TTC28: variants seen among roughly 807,000 people sequenced by gnomAD.
TTC28 encodes tetratricopeptide repeat protein 28.
A neutral mutation model predicts 198.0 loss-of-function variants in TTC28; 61 were observed. That is an observed-to-expected ratio of 0.31 (90% CI 0.25 to 0.38). TTC28 has a LOEUF of 0.38. Ranked by LOEUF, TTC28 falls within the 10% of genes least tolerant of loss-of-function variation. TTC28 has a pLI of 1.00. For missense variants in TTC28, 2,678 were observed against 3,164.0 expected (o/e 0.85, Z 3.69); for synonymous variants, 1,171 against 1,297.8 (o/e 0.90, Z 2.10).
intron 2 of TTC28, among the ~76,000 whole-genome samples, chr22:28,451,699 CTT>C (rs1164991205): frequency 6.6e-6 from 1 of 152,168 alleles, no homozygotes; most frequent in Non-Finnish European, 1.5e-5. Context: ...CTTGTTATCT[CTT>C]TGGCAGGCAG....
intron 2 of TTC28, among the ~76,000 whole-genome samples, chr22:28,458,060 C>T (rs1446434616): frequency 6.6e-6 from 1 of 151,950 alleles, no homozygotes; most frequent in Non-Finnish European, 1.5e-5. Context: ...AAGTGAAATG[C>T]TGCTTATTTT....
In TTC28 at chr22:27,981,579, C is replaced by T. The variant is rs770092752; in HGVS notation, c.*642G>A. Reference sequence around the variant, plus strand: ...GACAGCGGGACCCAAAAGACATTTGCAGAGCAGAGTTCAGAATGGAAGCGC... The same window carrying T: ...GACAGCGGGACCCAAAAGACATTTGTAGAGCAGAGTTCAGAATGGAAGCGC... On this transcript the variant is annotated 3_prime_UTR_variant, in exon 23 of 23. Coordinates refer to ENST00000397906, the MANE Select transcript of TTC28 (RefSeq NM_001145418.2). 2 of 151,796 alleles carry T rather than the reference C, an allele frequency of 1.3e-5. No individual in the cohort carries two copies. The highest frequency in any genetic ancestry group is 6.6e-5 in the Admixed American group (1 of 15,250). The allele number at this position is 151,796 out of a possible 1,614,324, so 9.4% of individuals were successfully genotyped here.
rs879508856 is a variant in TTC28 at position 28,220,928 on chromosome 22, G to C, written c.934-57329C>G. 3.3e-5 allele frequency among the ~76,000 whole-genome samples: 5 copies of C among 152,176 alleles called. No homozygotes were observed. The East Asian group carries it at 9.6e-4, about 29-fold the overall frequency. On this transcript the variant is annotated intron_variant, in intron 5 of 22. Transcript: ENST00000397906. ...GAATGAATGAGCTTGACAGTATGGA[G>C]AGAAGGAATACAGGCCTAGTATCAT...
At chr22:28,552,345 T>C (rs1329780063) in intron 2 of TTC28, among the ~76,000 whole-genome samples, 3 of 151,952 alleles carry the variant, frequency 2.0e-5, no homozygotes, top group Non-Finnish European at 4.4e-5. Context: ...CCCATCAAAA[T>C]ATCACCATAA....
chr22:28,148,371 T>C (rs1943521860), intron 6 of TTC28, among the ~76,000 whole-genome samples: 1 of 152,220 alleles, frequency 6.6e-6, no homozygotes, highest in Non-Finnish European at 1.5e-5. Context: ...CCCAGCACTT[T>C]GGGAGGCCAA....
chr22:28,283,684 A>AT (rs1242922298), intron 5 of TTC28, among the ~76,000 whole-genome samples: 2 of 152,008 alleles, frequency 1.3e-5, no homozygotes, highest in Admixed American at 6.6e-5. Context: ...ATTTTAAAAG[A>AT]TTTTTCATGT....
chr22:28,601,209 G>A (rs1219139863), intron 2 of TTC28, among the ~76,000 whole-genome samples: 3 of 152,084 alleles, frequency 2.0e-5, no homozygotes, highest in Non-Finnish European at 4.4e-5. Flanking sequence ...TATATCAGCT[G>A]TTTAATTCTT....
chr22:28,455,124 C>A (rs1241400614), intron 2 of TTC28, among the ~76,000 whole-genome samples: 1 of 152,110 alleles, frequency 6.6e-6, no homozygotes, highest in Admixed American at 6.6e-5. Context: ...GAAGATCCAA[C>A]CCCCACAACA....
At chr22:28,046,397 A>T (rs1225877087) in intron 12 of TTC28, among the ~76,000 whole-genome samples, 2 of 152,214 alleles carry the variant, frequency 1.3e-5, no homozygotes, top group African/African-American at 2.4e-5. Context: ...CCTTTAGAGC[A>T]TGTTATTGTA....
At chr22:28,209,615 G>C (rs915453655) in intron 5 of TTC28, among the ~76,000 whole-genome samples, 1 of 152,204 alleles carries the variant, frequency 6.6e-6, no homozygotes, top group Non-Finnish European at 1.5e-5. Flanking sequence ...GCTGAGTCTT[G>C]AGTAGGTAAA....
intron 2 of TTC28, among the ~76,000 whole-genome samples, chr22:28,558,755 G>C (rs2049824306): frequency 1.3e-5 from 2 of 152,020 alleles, no homozygotes; most frequent in African/African-American, 4.8e-5. Flanking sequence ...TTCTGGCCGG[G>C]CACAGTGGCT....
intron 2 of TTC28, among the ~76,000 whole-genome samples, chr22:28,326,402 C>T (rs1307928298): frequency 1.3e-5 from 2 of 152,048 alleles, no homozygotes; most frequent in African/African-American, 4.8e-5. Context: ...GAACTACACA[C>T]ACAAACAAGT....
At chr22:28,206,777 C>T (rs1276582235) in intron 5 of TTC28, among the ~76,000 whole-genome samples, 1 of 152,200 alleles carries the variant, frequency 6.6e-6, no homozygotes, top group South Asian at 2.1e-4. Flanking sequence ...ACTCTAGGAG[C>T]CACACTACAT....
chr22:28,129,628 G>A (rs1287775906), intron 6 of TTC28, among the ~76,000 whole-genome samples: 3 of 152,178 alleles, frequency 2.0e-5, no homozygotes, highest in Non-Finnish European at 2.9e-5. Context: ...GAATACTTAG[G>A]TAGAGTGCCT....
intron 12 of TTC28, among the ~76,000 whole-genome samples, chr22:28,084,988 C>A (rs1377899370): frequency 1.3e-5 from 2 of 151,778 alleles, no homozygotes; most frequent in Non-Finnish European, 2.9e-5. Context: ...ATGAACAAAC[C>A]CTCCAAGAAA....
chr22:28,369,206 A>G (rs183301470), intron 2 of TTC28, among the ~76,000 whole-genome samples: 1 of 152,280 alleles, frequency 6.6e-6, no homozygotes, highest in Admixed American at 6.5e-5. Context: ...ATAGTAACCA[A>G]AACAGCATGG....
intron 13 of TTC28, among the ~76,000 whole-genome samples, chr22:28,016,391 C>T (rs963711597): frequency 5.3e-5 from 8 of 152,236 alleles, no homozygotes; most frequent in Non-Finnish European, 1.0e-4. Context: ...GTGTCTGTCA[C>T]GGCACTGTTG....
In TTC28 at chr22:27,992,931, T is replaced by C. The variant is rs1601490781; in HGVS notation, c.5477-268A>G. 2.5e-5 allele frequency: 14 copies of C among 558,190 alleles called. No individual in the cohort carries two copies. The South Asian group carries it at 3.2e-4, about 13-fold the overall frequency. The allele number at this position is 558,190 out of a possible 1,614,324, so 34.6% of individuals were successfully genotyped here. ...AGGACCCAGGCAGCACCACCCCTAG[T>C]CAAGCACCCAGCTTCACCCTGGGGT... is the stretch of plus-strand genomic sequence containing the variant. On this transcript the variant is annotated intron_variant, in intron 18 of 22. Transcript: ENST00000397906.
chr22:28,556,265 A>T (rs1348639256), intron 2 of TTC28, among the ~76,000 whole-genome samples: 1 of 152,138 alleles, frequency 6.6e-6, no homozygotes. Context: ...GGGCTGAGGC[A>T]GGAGAATCAC....
Sources: gnomAD v4.1 joint callset for allele counts (sites outside exome capture counted in the v4.1 genomes callset) on GRCh38, gnomAD v4.1.1 for gene constraint, MANE v1.5 for transcripts, NCBI Gene and HGNC (gene_info 2026-07-23, HGNC 2026-07-21) for gene names.